RIPPLY1: variants seen among roughly 807,000 people sequenced by gnomAD.
The protein encoded by RIPPLY1 is ripply transcriptional repressor 1, also known as protein ripply1.
A neutral mutation model predicts 8.7 loss-of-function variants in RIPPLY1; 10 were observed. The observed-to-expected ratio is 1.15, with a 90% CI of 0.71 to 1.94. The LOEUF is 1.94. RIPPLY1 is among the 30% of genes most tolerant of loss of function. The probability of loss-of-function intolerance (pLI) is 0.00; values close to 1 mark genes in which losing one functional copy is unlikely to be tolerated. For synonymous variants in RIPPLY1, 54 were observed against 44.8 expected (o/e 1.20, Z -0.82); for missense variants, 118 against 108.7 (o/e 1.09, Z -0.38).
rs373247473 is a variant in RIPPLY1, at chrX:106,900,888, C to A, written c.317G>T (p.Arg106Leu). 8 of 1,210,268 alleles carry A rather than the reference C, an allele frequency of 6.6e-6. No individual in the cohort carries two copies. The highest frequency in any genetic ancestry group is 8.9e-6 in the Non-Finnish European group (8 of 894,705). Residue 106 changes from arginine (R) to leucine (L), a missense_variant, in exon 4 of 4, where the codon CGC becomes CTC. By Grantham distance (102) the Arg-to-Leu change is moderately radical (BLOSUM62 -2). Transcript: ENST00000276173. ...AGCACTGTACAGATAGTCGAAGGAGCGGGATTTAGGCCAGAAGAGCCTGTG... is the reference window on the plus strand; with the variant it reads ...AGCACTGTACAGATAGTCGAAGGAGAGGGATTTAGGCCAGAAGAGCCTGTG... ...HPVRLFWPKSRSFDYLYSAGE... is the reference protein window; with the variant it reads ...HPVRLFWPKSLSFDYLYSAGE...
chrX:106,901,685 C>T (rs1933097726), intron 2 of RIPPLY1, 147 bp from the exon 3 acceptor site: 9 of 505,160 alleles, frequency 1.8e-5, no homozygotes, highest in Non-Finnish European at 3.0e-5. Flanking sequence ...ATACCCACCC[C>T]TCAACAAGGG....
At position 106,903,062 on chromosome X, in the gene RIPPLY1, C is replaced by A. The variant is rs1933128439; in HGVS notation, c.155+71G>T. On this transcript the variant is annotated intron_variant, in intron 1 of 3. Transcript: ENST00000276173. ...ACAGAGAACAGGGTGCCCTGGACATCTCATTTTCCTTCCTCTCTCAGGAAG... is the reference window on the plus strand; with the variant it reads ...ACAGAGAACAGGGTGCCCTGGACATATCATTTTCCTTCCTCTCTCAGGAAG... 10 of 1,143,293 alleles carry A rather than the reference C, an allele frequency of 8.7e-6. No homozygotes were observed. In the South Asian group the frequency reaches 1.9e-4, roughly 21 times the overall value. 94.2% of individuals were successfully genotyped at this position (1,143,293 alleles called of 1,213,427 possible). A position where few individuals can be genotyped will look rare whatever the true frequency, so the allele number is the denominator to read the frequency against.
intron 1 of RIPPLY1, among the ~76,000 whole-genome samples, chrX:106,902,529 A>G (rs962105888): frequency 8.9e-5 from 10 of 111,972 alleles, no homozygotes; most frequent in Non-Finnish European, 1.7e-4. Flanking sequence ...GTTTCAGTAA[A>G]TGTTTGTTGA....
At position 106,900,646 on chromosome X, in the gene RIPPLY1, C is replaced by T. The variant is rs1476347873; in HGVS notation, c.*103G>A. The T allele has an allele frequency of 1.9e-6, 2 of 1,076,896 alleles. No individual in the cohort carries two copies. Among genetic ancestry groups the T allele is most frequent in the East Asian group, 3.4e-5 (1 of 29,172 alleles). The allele number at this position is 1,076,896 out of a possible 1,213,427, so 88.7% of individuals were successfully genotyped here. A position where few individuals can be genotyped will look rare whatever the true frequency, so the allele number is the denominator to read the frequency against. On this transcript the variant is annotated 3_prime_UTR_variant, in exon 4 of 4. Coordinates refer to ENST00000276173, the MANE Select transcript of RIPPLY1 (RefSeq NM_138382.3). Reference sequence around the variant, plus strand: ...ACCCCAATCAGACTCTGGCTGCCTCCATTTGGATAGGTTAGGGGTGAGGAA... The same window carrying T: ...ACCCCAATCAGACTCTGGCTGCCTCTATTTGGATAGGTTAGGGGTGAGGAA...
At chrX:106,903,032 C>A in intron 1 of RIPPLY1, 101 bp downstream of exon 1, 1 of 932,622 alleles carries the variant, frequency 1.1e-6, no homozygotes, top group African/African-American at 1.9e-5. Flanking sequence ...TTGCTTTTCC[C>A]CTTCACAGAG....
intron 3 of RIPPLY1, 57 bp from the exon 4 acceptor site, chrX:106,900,965 G>T: frequency 8.7e-7 from 1 of 1,153,250 alleles, no homozygotes; most frequent in Non-Finnish European, 1.2e-6. Context: ...AGAGGGGCCA[G>T]TAGGGCCAAG....
At chrX:106,903,064 C>T in intron 1 of RIPPLY1, 69 bp downstream of exon 1, 1 of 1,150,026 alleles carries the variant, frequency 8.7e-7, no homozygotes, top group South Asian at 1.9e-5. Flanking sequence ...CTGGACATCT[C>T]ATTTTCCTTC....
rs1198661955 is a variant in RIPPLY1 at position 106,902,160 on chromosome X, T to C, written c.211A>G (p.Met71Val). Residue 71 changes from methionine (M) to valine (V), a missense_variant, in exon 2 of 4, where the codon ATG (methionine) becomes GTG (valine). By Grantham distance (21) the Met-to-Val change is conservative. Coordinates refer to ENST00000276173, the MANE Select transcript of RIPPLY1 (RefSeq NM_138382.3). Reference sequence around the variant, plus strand: ...CTCACCAAATCCACCAGCTTCCTCATCTGCCTTGGGGAGTCATTTGTGGAA... The same window carrying C: ...CTCACCAAATCCACCAGCTTCCTCACCTGCCTTGGGGAGTCATTTGTGGAA... Reference protein sequence around the residue: ...LSSTNDSPRQMRKLVDLAAGG... With the variant: ...LSSTNDSPRQVRKLVDLAAGG... 1.1e-5 allele frequency: 13 copies of C among 1,193,227 alleles called. No individual in the cohort carries two copies. Among genetic ancestry groups the C allele is most frequent in the Non-Finnish European group, 1.5e-5 (13 of 886,618 alleles).
In RIPPLY1 at chrX:106,902,140, C is replaced by A; in HGVS notation, c.231G>T (p.Leu77Phe). 3 of 1,193,718 alleles carry A rather than the reference C, an allele frequency of 2.5e-6. No individual in the cohort carries two copies. Among genetic ancestry groups the A allele is most frequent in the Non-Finnish European group, 3.4e-6 (3 of 886,059 alleles). The change falls in exon 2 of 4, where the codon TTG (leucine) becomes TTT (phenylalanine). Residue 77 changes from leucine to phenylalanine, a missense_variant and splice_region_variant. Physicochemically the swap from Leu to Phe is conservative, Grantham distance 22. Transcript: ENST00000276173. ...SPRQMRKLVD[L>F]AAGGATAAEV... ...ACACGTCACAAGGGCTCGAACTCAC[C>A]AAATCCACCAGCTTCCTCATCTGCC...
At chrX:106,902,242 G>A (rs772255653) in intron 1 of RIPPLY1, 27 bp from the exon 2 acceptor site, 49 of 1,121,488 alleles carry the variant, frequency 4.4e-5, no homozygotes, top group Non-Finnish European at 4.9e-5. Flanking sequence ...AGATCAATCC[G>A]TAGAGGAAGA....
chrX:106,902,109 G>A (rs1328915198), intron 2 of RIPPLY1, 31 bp downstream of exon 2: 2 of 1,150,106 alleles, frequency 1.7e-6, no homozygotes, highest in South Asian at 1.9e-5. Context: ...GTGGCTGCAT[G>A]TGAACACACG....
rs1299357756 is a variant in RIPPLY1, at chrX:106,902,171, G to A, written c.200C>T (p.Ser67Phe). ...CACCAGCTTCCTCATCTGCCTTGGG[G>A]AGTCATTTGTGGAAGACAGCCAGGG... Reference protein sequence around the residue: ...WRPWLSSTNDSPRQMRKLVDL... With the variant: ...WRPWLSSTNDFPRQMRKLVDL... Residue 67 changes from serine to phenylalanine, a missense_variant, in exon 2 of 4, where the codon TCC becomes TTC. Physicochemically the swap from Ser to Phe is radical, Grantham distance 155 (BLOSUM62 -2). Transcript: ENST00000276173. The A allele has an allele frequency of 8.4e-7, 1 of 1,194,389 alleles. No individual in the cohort carries two copies. Among genetic ancestry groups the A allele is most frequent in the Non-Finnish European group, 1.1e-6 (1 of 886,587 alleles).
chrX:106,900,473 A>T lies in RIPPLY1; in HGVS notation c.*276T>A. ...ACACAACAGCAGCCCAGACAATGAG[A>T]TGCAAGAGGCCTGAGCTCACAGGCC... On this transcript the variant is annotated 3_prime_UTR_variant, in exon 4 of 4. Coordinates refer to ENST00000276173, the MANE Select transcript of RIPPLY1 (RefSeq NM_138382.3). 6.8e-6 allele frequency: 2 copies of T among 292,594 alleles called. No homozygotes were observed. The highest frequency in any genetic ancestry group is 1.2e-5 in the Non-Finnish European group (2 of 167,522). The allele number at this position is 292,594 out of a possible 1,213,427, so 24.1% of individuals were successfully genotyped here.
intron 3 of RIPPLY1, 36 bp from the exon 4 acceptor site, chrX:106,900,944 G>A: frequency 1.7e-6 from 2 of 1,194,237 alleles, no homozygotes; most frequent in South Asian, 3.8e-5. Context: ...CCTAACAGGT[G>A]TCATATGTGC....
chrX:106,902,129 C>G lies in RIPPLY1; in HGVS notation c.231+11G>C. On this transcript the variant is annotated intron_variant, in intron 2 of 3. Coordinates refer to ENST00000276173, the MANE Select transcript of RIPPLY1 (RefSeq NM_138382.3). ...TGCATGTGAACACACGTCACAAGGGCTCGAACTCACCAAATCCACCAGCTT... is the reference window on the plus strand; with the variant it reads ...TGCATGTGAACACACGTCACAAGGGGTCGAACTCACCAAATCCACCAGCTT... 8.4e-7 allele frequency: 1 copy of G among 1,188,411 alleles called. No homozygotes were observed. The highest frequency in any genetic ancestry group is 1.1e-6 in the Non-Finnish European group (1 of 882,398).
Position 106,903,293 on chromosome X carries a change from G to T in RIPPLY1, c.-6C>A, listed in dbSNP as rs992310080. 8.4e-7 allele frequency: 1 copy of T among 1,190,912 alleles called. No homozygotes were observed. Among genetic ancestry groups the T allele is most frequent in the African/African-American group, 1.8e-5 (1 of 56,953 alleles). On this transcript the variant is annotated 5_prime_UTR_variant, in exon 1 of 4. Transcript: ENST00000276173. ...GCACAGGCAGCAGAGTCCATTCTTA[G>T]GGGACCAAAGCCAGTGGGGTCTCCT...
intron 1 of RIPPLY1, 33 bp from the exon 2 acceptor site, chrX:106,902,248 GA>G: frequency 9.1e-7 from 1 of 1,099,957 alleles, no homozygotes; most frequent in Non-Finnish European, 1.2e-6. Context: ...ATCCGTAGAG[GA>G]AGAGACTGAA....
chrX:106,902,313 A>G (rs1312844589), intron 1 of RIPPLY1, 98 bp from the exon 2 acceptor site: 1 of 688,667 alleles, frequency 1.5e-6, no homozygotes, highest in South Asian at 2.7e-5. Context: ...CTCAGGTGCC[A>G]TCTGCTCCAG....
At chrX:106,900,931 G>A (rs1162915889) in intron 3 of RIPPLY1, 23 bp from the exon 4 acceptor site, 2 of 1,201,469 alleles carry the variant, frequency 1.7e-6, no homozygotes, top group Non-Finnish European at 2.2e-6. Flanking sequence ...AAGAAACATG[G>A]CCCCTAACAG....
Sources: gnomAD v4.1 joint callset for allele counts (sites outside exome capture counted in the v4.1 genomes callset) on GRCh38, gnomAD v4.1.1 for gene constraint, MANE v1.5 for transcripts, NCBI Gene and HGNC (gene_info 2026-07-23, HGNC 2026-07-21) for gene names.